Variants in VOPP1 observed in about 807,000 individuals in gnomAD.
VOPP1 encodes WW domain binding protein VOPP1.
Under a neutral mutation model 23.5 loss-of-function variants are expected in VOPP1, and 8 were observed. The ratio of observed to expected loss-of-function variants is 0.34; its 90% CI spans 0.20 to 0.61. VOPP1 has a LOEUF of 0.61. VOPP1 is among the 20% of genes least tolerant of loss of function. The pLI is 0.78. For missense variants in VOPP1, 174 were observed against 238.1 expected, an observed-to-expected ratio of 0.73 and a Z score of 1.77; for synonymous variants, 83 against 97.3, an observed-to-expected ratio of 0.85 and a Z score of 0.86.
intron 4 of VOPP1, among the ~76,000 whole-genome samples, chr7:55,446,582 C>T (rs989861551): frequency 6.6e-6 from 1 of 152,164 alleles, no homozygotes; most frequent in Non-Finnish European, 1.5e-5. Flanking sequence ...GGAAACCACA[C>T]CCATAGAGGT....
intron 2 of VOPP1, among the ~76,000 whole-genome samples, chr7:55,499,359 G>A (rs1794203622): frequency 6.6e-6 from 1 of 152,192 alleles, no homozygotes; most frequent in African/African-American, 2.4e-5. Flanking sequence ...AACTGAGGTA[G>A]AAGAACTGCT....
At chr7:55,540,660 C>A (rs1797091962) in intron 1 of VOPP1, among the ~76,000 whole-genome samples, 1 of 152,134 alleles carries the variant, frequency 6.6e-6, no homozygotes, top group Non-Finnish European at 1.5e-5. Context: ...GGACTCAGGG[C>A]TCCTCCAGAC....
intron 4 of VOPP1, among the ~76,000 whole-genome samples, chr7:55,473,403 A>G (rs1042207751): frequency 2.0e-5 from 3 of 152,192 alleles, no homozygotes; most frequent in Non-Finnish European, 4.4e-5. Context: ...CAGGAGCTCC[A>G]CAACCCCTCT....
At chr7:55,495,260 T>C (rs1323534203) in intron 3 of VOPP1, among the ~76,000 whole-genome samples, 1 of 152,160 alleles carries the variant, frequency 6.6e-6, no homozygotes, top group East Asian at 1.9e-4. Flanking sequence ...TTCTCTACTC[T>C]TGATTCCATC....
At chr7:55,524,633 G>T (rs146265491) in intron 1 of VOPP1, among the ~76,000 whole-genome samples, 1,672 of 152,322 alleles carry the variant, frequency 0.011, 11 homozygotes, top group Middle Eastern at 0.02. Context: ...CCAAAATGAG[G>T]ACACAGAAGT....
At chr7:55,530,422 G>C (rs112404704) in intron 1 of VOPP1, among the ~76,000 whole-genome samples, 2 of 152,128 alleles carry the variant, frequency 1.3e-5, no homozygotes, top group African/African-American at 4.8e-5. Flanking sequence ...GATCCACTAG[G>C]TGCTTTTCAT....
chr7:55,438,842 G>A (rs930666412), intron 4 of VOPP1, among the ~76,000 whole-genome samples: 9 of 152,216 alleles, frequency 5.9e-5, no homozygotes, highest in East Asian at 3.9e-4. Context: ...CTGTGGCTAC[G>A]CAGGTGCAGG....
In VOPP1 at chr7:55,471,869, G is replaced by C. The variant is rs1791847105; in HGVS notation, c.*986C>G. On this transcript the variant is annotated 3_prime_UTR_variant, in exon 5 of 5. Coordinates refer to ENST00000285279, the MANE Select transcript of VOPP1 (RefSeq NM_030796.5). Reference sequence around the variant, plus strand: ...ACGCCTCAGCTGGTCTCTCTCCCTGGAAGAGTCCATGTGACTTCCCAGCCA... The same window carrying C: ...ACGCCTCAGCTGGTCTCTCTCCCTGCAAGAGTCCATGTGACTTCCCAGCCA... The C allele has an allele frequency of 6.6e-6, 1 of 151,890 alleles. No individual in the cohort carries two copies. Among genetic ancestry groups the C allele is most frequent in the Non-Finnish European group, 1.5e-5 (1 of 68,046 alleles). 9.4% of individuals were successfully genotyped at this position (151,890 alleles called of 1,614,324 possible).
chr7:55,474,765 T>C (rs932845882), intron 4 of VOPP1, among the ~76,000 whole-genome samples: 5 of 152,054 alleles, frequency 3.3e-5, no homozygotes, highest in African/African-American at 9.7e-5. Context: ...GGTGGAAACA[T>C]GGGCATGTCC....
At chr7:55,441,406 C>T (rs1310189677) in intron 4 of VOPP1, among the ~76,000 whole-genome samples, 7 of 152,108 alleles carry the variant, frequency 4.6e-5, no homozygotes, top group Non-Finnish European at 7.3e-5. Flanking sequence ...CAGAGACAAG[C>T]GCACAGTTAA....
chr7:55,514,060 T>C (rs1023776188), intron 2 of VOPP1, among the ~76,000 whole-genome samples: 1 of 152,128 alleles, frequency 6.6e-6, no homozygotes, highest in African/African-American at 2.4e-5. Context: ...CACCCCAGCG[T>C]CTGACTGGGA....
rs868529943 is a variant in VOPP1 at position 55,565,035 on chromosome 7, T to A, written c.54+7236A>T. On this transcript the variant is annotated intron_variant, in intron 1 of 4. Coordinates refer to ENST00000285279, the MANE Select transcript of VOPP1 (RefSeq NM_030796.5). ...ATCTCTTTGTTCTGGTCTGAGGACA[T>A]TGTTCTCTTGTTGACAGTTTTGAAG... Among the ~76,000 whole-genome samples the A allele has an allele frequency of 3.3e-5, 5 of 152,236 alleles. No individual in the cohort carries two copies. The East Asian group carries it at 9.6e-4, about 29-fold the overall frequency.
At chr7:55,462,944 C>A (rs1000256575) in intron 4 of VOPP1, among the ~76,000 whole-genome samples, 1 of 152,140 alleles carries the variant, frequency 6.6e-6, no homozygotes, top group Non-Finnish European at 1.5e-5. Flanking sequence ...TTCATTGAAC[C>A]CTTCAGTCCC....
chr7:55,514,272 T>C (rs948413352), intron 2 of VOPP1, among the ~76,000 whole-genome samples: 2 of 152,242 alleles, frequency 1.3e-5, no homozygotes, highest in African/African-American at 2.4e-5. Flanking sequence ...TTTTATTTTC[T>C]AGGCTATAAA....
chr7:55,437,185 A>G (rs142099042), intron 4 of VOPP1, among the ~76,000 whole-genome samples: 2 of 152,172 alleles, frequency 1.3e-5, no homozygotes, highest in East Asian at 3.9e-4. Context: ...CCCCAGGATA[A>G]GAGAGGGTGA....
intron 1 of VOPP1, among the ~76,000 whole-genome samples, chr7:55,543,978 C>G (rs1234251566): frequency 6.6e-6 from 1 of 152,200 alleles, no homozygotes; most frequent in Admixed American, 6.5e-5. Flanking sequence ...CTCAAGAAAT[C>G]TTTGCCCAAA....
At chr7:55,552,238 G>A (rs1389061012) in intron 1 of VOPP1, among the ~76,000 whole-genome samples, 1 of 152,112 alleles carries the variant, frequency 6.6e-6, no homozygotes, top group Non-Finnish European at 1.5e-5. Context: ...ACAAATATAA[G>A]CACCTTTTGG....
chr7:55,468,230 C>T (rs1207111839), downstream of VOPP1, among the ~76,000 whole-genome samples: 1 of 147,530 alleles, frequency 6.8e-6, no homozygotes, highest in Non-Finnish European at 1.5e-5. Flanking sequence ...GAGATTGCAC[C>T]ACTGCACTCC....
chr7:55,489,259 C>G (rs989505288), intron 4 of VOPP1, among the ~76,000 whole-genome samples: 33 of 152,212 alleles, frequency 2.2e-4, no homozygotes, highest in South Asian at 2.1e-4. Context: ...GTCTGGATAT[C>G]CTGGGATCAG....
Sources: allele counts gnomAD v4.1 joint callset (sites outside exome capture counted in the v4.1 genomes callset), GRCh38; gene constraint gnomAD v4.1.1; transcripts MANE v1.5; gene names NCBI Gene and HGNC (gene_info 2026-07-23, HGNC 2026-07-21).